ABL2: variants seen among roughly 807,000 people sequenced by gnomAD.
ABL2 encodes the protein tyrosine-protein kinase ABL2.
ABL2 carries 49 observed loss-of-function variants against 107.7 expected under a neutral mutation model. The observed-to-expected ratio is 0.45, with a 90% confidence interval of 0.36 to 0.58. The LOEUF is 0.58. ABL2 is among the 20% of genes least tolerant of loss of function. The pLI is 0.00. For missense variants in ABL2, 1,245 were observed against 1,457.0 expected (o/e 0.85, Z 2.37); for synonymous variants, 549 against 548.6 (o/e 1.00, Z -0.01).
intron 1 of ABL2, among the ~76,000 whole-genome samples, chr1:179,161,444 G>A (rs1659064292): frequency 6.6e-6 from 1 of 152,168 alleles, no homozygotes; most frequent in Non-Finnish European, 1.5e-5. Flanking sequence ...TTGGCCAGGT[G>A]TGGCGGCTCA....
At chr1:179,152,718 T>C (rs1415034092) in intron 1 of ABL2, among the ~76,000 whole-genome samples, 1 of 152,216 alleles carries the variant, frequency 6.6e-6, no homozygotes, top group Non-Finnish European at 1.5e-5. Flanking sequence ...ATGTGCTACT[T>C]AAAGAATACT....
Position 179,211,179 on chromosome 1 carries a change from T to C in ABL2, c.157+18062A>G, listed in dbSNP as rs555418467. On this transcript the variant is annotated intron_variant, in intron 1 of 11. Transcript: ENST00000502732. ...AAAATAAAACAGAAAACAAGACATATAGTGATGAAGATAGGATTTCATAAA... is the reference window on the plus strand; with the variant it reads ...AAAATAAAACAGAAAACAAGACATACAGTGATGAAGATAGGATTTCATAAA... Among the ~76,000 whole-genome samples the C allele has an allele frequency of 3.3e-5, 5 of 152,146 alleles. No individual in the cohort carries two copies. In the South Asian group the frequency reaches 6.2e-4, roughly 19 times the overall value.
At chr1:179,123,961 G>C (rs373085887) in intron 4 of ABL2, among the ~76,000 whole-genome samples, 2 of 151,912 alleles carry the variant, frequency 1.3e-5, no homozygotes, top group Non-Finnish European at 2.9e-5. Flanking sequence ...GACGCTTTTG[G>C]TCGGGCGCAG....
At position 179,107,596 on chromosome 1, in the gene ABL2, T is replaced by C; in HGVS notation, c.*122A>G. Reference sequence around the variant, plus strand: ...AACGTGAGAACTCAGGGATCTGAGGTACTTCACATAAACACACTCAAGTAT... The same window carrying C: ...AACGTGAGAACTCAGGGATCTGAGGCACTTCACATAAACACACTCAAGTAT... On this transcript the variant is annotated 3_prime_UTR_variant, in exon 12 of 12. Coordinates refer to ENST00000502732, the MANE Select transcript of ABL2 (RefSeq NM_007314.4). 1 of 1,487,236 alleles carries C rather than the reference T, an allele frequency of 6.7e-7. No individual in the cohort carries two copies. Among genetic ancestry groups the C allele is most frequent in the South Asian group, 1.4e-5 (1 of 71,404 alleles). 92.1% of individuals were successfully genotyped at this position (1,487,236 alleles called of 1,614,324 possible).
rs542011194 is a variant in ABL2, at chr1:179,099,956, A to T, written c.*7762T>A. ...CCACGCCACTGCTGTTCATCCAAGG[A>T]AAGATCTGAGCGATTCCTCTTTTAC... On this transcript the variant is annotated 3_prime_UTR_variant, in exon 12 of 12. Transcript: ENST00000502732. 5.2e-5 allele frequency: 12 copies of T among 232,618 alleles called. No individual in the cohort carries two copies. The highest frequency in any genetic ancestry group is 2.2e-4 in the African/African-American group (10 of 45,414). 14.4% of individuals were successfully genotyped at this position (232,618 alleles called of 1,614,324 possible). A position where few individuals can be genotyped will look rare whatever the true frequency, so the allele number is the denominator to read the frequency against.
intron 1 of ABL2, among the ~76,000 whole-genome samples, chr1:179,214,517 G>GACATATAT (rs1553233917): frequency 4.9e-5 from 2 of 41,086 alleles, no homozygotes; most frequent in Admixed American, 3.6e-4. Flanking sequence ...GTTTTAAAAT[G>GACATATAT]ACATATATAT....
intron 9 of ABL2, 53 bp downstream of exon 9, chr1:179,114,825 A>G: frequency 2.0e-6 from 3 of 1,534,542 alleles, no homozygotes; most frequent in Non-Finnish European, 2.6e-6. Flanking sequence ...TTTGTTAACT[A>G]TTCTGAACTG....
chr1:179,191,555 G>C (rs1479981972), intron 1 of ABL2, among the ~76,000 whole-genome samples: 1 of 151,338 alleles, frequency 6.6e-6, no homozygotes, highest in Non-Finnish European at 1.5e-5. Context: ...CAAGTAGCTG[G>C]GATTACAGGC....
At chr1:179,194,819 TAAG>T (rs1557989764) in intron 1 of ABL2, among the ~76,000 whole-genome samples, 1 of 152,090 alleles carries the variant, frequency 6.6e-6, no homozygotes, top group Non-Finnish European at 1.5e-5. Flanking sequence ...GTAATGATAG[TAAG>T]AAGAAAATGG....
intron 3 of ABL2, among the ~76,000 whole-genome samples, chr1:179,127,754 G>T (rs73049460): frequency 0.017 from 2,623 of 152,076 alleles, 98 homozygotes; most frequent in African/African-American, 0.06. Flanking sequence ...GGCCATGGCT[G>T]AGCGTGGTGT....
At chr1:179,168,404 A>AT (rs983297746) in intron 1 of ABL2, among the ~76,000 whole-genome samples, 8 of 151,596 alleles carry the variant, frequency 5.3e-5, no homozygotes, top group Non-Finnish European at 1.0e-4. Flanking sequence ...TCCGTTGTAT[A>AT]TTTTTTATTG....
intron 1 of ABL2, among the ~76,000 whole-genome samples, chr1:179,138,369 G>A (rs146034835): frequency 2.8e-4 from 42 of 152,206 alleles, no homozygotes; most frequent in African/African-American, 8.7e-4. Flanking sequence ...AAAGTACTGC[G>A]ATTACAAGCA....
chr1:179,117,933 A>G (rs948401760), intron 7 of ABL2, among the ~76,000 whole-genome samples: 23 of 151,730 alleles, frequency 1.5e-4, no homozygotes, highest in Non-Finnish European at 1.5e-5. Flanking sequence ...AGCCGGGGCA[A>G]CATGGCGAAA....
chr1:179,111,719 A>T (rs1557911164), intron 10 of ABL2, among the ~76,000 whole-genome samples: 2 of 152,230 alleles, frequency 1.3e-5, no homozygotes, highest in East Asian at 3.8e-4. Flanking sequence ...TTACTAAGTT[A>T]AAGTTAACCT....
chr1:179,108,276 G>A lies in ABL2; in HGVS notation c.2991C>T (p.Ser997=). 6.2e-7 allele frequency: 1 copy of A among 1,614,180 alleles called. No individual in the cohort carries two copies. Reference sequence around the variant, plus strand: ...GCTCTTCTGTAGGGTCTGAGCAGATGGACGGATGCTGCAGTAGTCTCATCA... The same window carrying A: ...GCTCTTCTGTAGGGTCTGAGCAGATAGACGGATGCTGCAGTAGTCTCATCA... ...PPVMRLLQHP[S]ICSDPTEEPT... is the part of the protein sequence containing the mutation. The change falls in exon 12 of 12, where the codon TCC becomes TCT. Residue 997 remains serine (S), a synonymous_variant. Coordinates refer to ENST00000502732, the MANE Select transcript of ABL2 (RefSeq NM_007314.4).
At chr1:179,172,639 G>A (rs1659787276) in intron 1 of ABL2, among the ~76,000 whole-genome samples, 1 of 152,162 alleles carries the variant, frequency 6.6e-6, no homozygotes, top group South Asian at 2.1e-4. Flanking sequence ...AGGATACAGA[G>A]TTAAAATAAA....
rs1429167720 is a variant in ABL2 at position 179,108,744 on chromosome 1, A to G, written c.2523T>C (p.Ala841=). Residue 841 remains alanine (A), a synonymous_variant, in exon 12 of 12, where the codon GCT becomes GCC. Coordinates refer to ENST00000502732, the MANE Select transcript of ABL2 (RefSeq NM_007314.4). The part of the protein sequence containing the change: ...DMLPKKSEES[A]APSRERPKAK... Reference sequence around the variant, plus strand: ...CTTTTGGTCTCTCCCTGCTTGGAGCAGCACTTTCCTCTGATTTTTTTGGAA... The same window carrying G: ...CTTTTGGTCTCTCCCTGCTTGGAGCGGCACTTTCCTCTGATTTTTTTGGAA... 1.2e-6 allele frequency: 2 copies of G among 1,614,094 alleles called. No individual in the cohort carries two copies. The highest frequency in any genetic ancestry group is 2.7e-5 in the African/African-American group (2 of 74,930).
intron 1 of ABL2, among the ~76,000 whole-genome samples, chr1:179,159,807 A>T (rs1307361924): frequency 2.0e-5 from 3 of 152,210 alleles, no homozygotes; most frequent in Non-Finnish European, 4.4e-5. Flanking sequence ...TATAACTTGT[A>T]TATATAACCT....
intron 1 of ABL2, chr1:179,183,935 T>C (rs774367724): frequency 3.7e-6 from 1 of 267,052 alleles, no homozygotes; most frequent in Non-Finnish European, 7.2e-6. Context: ...TCAGCCTCTC[T>C]AGACTTGCCG....
Sources: gnomAD v4.1 joint callset for allele counts (sites outside exome capture counted in the v4.1 genomes callset) on GRCh38, gnomAD v4.1.1 for gene constraint, MANE v1.5 for transcripts, NCBI Gene and HGNC (gene_info 2026-07-23, HGNC 2026-07-21) for gene names.